RAB4A: variants seen among roughly 807,000 people sequenced by gnomAD.
RAB4A encodes RAB4A, member RAS oncogene family.
A neutral mutation model predicts 34.5 loss-of-function variants in RAB4A; 20 were observed. The ratio of observed to expected loss-of-function variants is 0.58; its 90% CI spans 0.41 to 0.84. The LOEUF is 0.84. Among genes scored for constraint, RAB4A ranks in the 40% least tolerant of loss-of-function variants. The pLI is 0.00. For synonymous variants in RAB4A, 102 were observed against 100.0 expected (o/e 1.02, Z -0.12); for missense variants, 228 against 274.5 (o/e 0.83, Z 1.20).
chr1:229,300,778 T>C (rs1230579228), intron 6 of RAB4A, among the ~76,000 whole-genome samples: 2 of 151,910 alleles, frequency 1.3e-5, no homozygotes, highest in African/African-American at 4.8e-5. Context: ...ACCATCAATA[T>C]ATAGGAACAG....
rs1657414753 is a variant in RAB4A at position 229,302,284 on chromosome 1, TATATATATATATATATA to T, written c.542-577_542-561del. Among the ~76,000 whole-genome samples the T allele has an allele frequency of 8.6e-4, 18 of 20,910 alleles. 1 individual carries two copies. Among genetic ancestry groups the T allele is most frequent in the African/African-American group, 4.0e-3 (18 of 4,468 alleles). 13.7% of individuals were successfully genotyped at this position (20,910 alleles called of 152,430 possible). ...ATATATATATATATATATATATATA[TATATATATATATATATA>T]TATATATATTTTTTTTTTTTTTTTA... is the stretch of plus-strand genomic sequence containing the variant. On this transcript the variant is annotated intron_variant, in intron 6 of 7. Transcript: ENST00000366690.
chr1:229,284,937 G>T (rs924061155), intron 1 of RAB4A, among the ~76,000 whole-genome samples: 3 of 152,016 alleles, frequency 2.0e-5, no homozygotes, highest in Non-Finnish European at 2.9e-5. Flanking sequence ...CTGCCTACTG[G>T]TAATCTCCAG....
chr1:229,281,326 G>A (rs183391397), intron 1 of RAB4A, among the ~76,000 whole-genome samples: 189 of 152,146 alleles, frequency 1.2e-3, no homozygotes, highest in Non-Finnish European at 2.0e-3. Context: ...GCATATACAC[G>A]TTCAAGATAC....
intron 3 of RAB4A, among the ~76,000 whole-genome samples, chr1:229,293,909 C>T (rs912922642): frequency 2.0e-5 from 3 of 152,066 alleles, no homozygotes; most frequent in African/African-American, 2.4e-5. Flanking sequence ...GGTACAGTGA[C>T]GGAGATGTCC....
At chr1:229,280,128 C>A (rs988417610) in intron 1 of RAB4A, among the ~76,000 whole-genome samples, 12 of 152,090 alleles carry the variant, frequency 7.9e-5, no homozygotes, top group Non-Finnish European at 1.5e-4. Context: ...AAAGAAAAAA[C>A]CACAGATTAA....
intron 6 of RAB4A, among the ~76,000 whole-genome samples, chr1:229,302,321 T>C (rs2102681122): frequency 9.9e-6 from 1 of 100,730 alleles, no homozygotes; most frequent in African/African-American, 4.0e-5. Context: ...TTTTTTTTTT[T>C]TTTTACATGT....
In RAB4A at chr1:229,296,666, GC is replaced by G. The variant is rs367800394; in HGVS notation, c.290+759del. Among the ~76,000 whole-genome samples the G allele has an allele frequency of 1.0e-3, 157 of 152,260 alleles. 1 individual carries two copies. The highest frequency in any genetic ancestry group is 3.6e-3 in the African/African-American group (149 of 41,542). ...GTCATCTAAATGGCATCATCTGGGGGCCCTTTCTGGGTAGGAACCTGTCCAG... is the reference window on the plus strand; with the variant it reads ...GTCATCTAAATGGCATCATCTGGGGGCCTTTCTGGGTAGGAACCTGTCCAG... On this transcript the variant is annotated intron_variant, in intron 4 of 7. Coordinates refer to ENST00000366690, the MANE Select transcript of RAB4A (RefSeq NM_004578.4).
intron 5 of RAB4A, among the ~76,000 whole-genome samples, chr1:229,298,150 G>C (rs1304370131): frequency 2.6e-5 from 4 of 152,050 alleles, no homozygotes; most frequent in Non-Finnish European, 4.4e-5. Flanking sequence ...CTTAATTAAT[G>C]GATAAGAGAA....
intron 3 of RAB4A, chr1:229,289,179 T>G (rs2102845679): frequency 5.2e-6 from 1 of 192,674 alleles, no homozygotes; most frequent in East Asian, 1.6e-4. Flanking sequence ...TGTTCCTTTT[T>G]TAAAGAAGAA....
At chr1:229,295,024 A>C (rs1571833356) in intron 3 of RAB4A, among the ~76,000 whole-genome samples, 1 of 148,622 alleles carries the variant, frequency 6.7e-6, no homozygotes, top group Non-Finnish European at 1.5e-5. Context: ...GTGCAGTGGC[A>C]TGATCGCTCA....
At chr1:229,297,742 T>G (rs1657285611) in intron 5 of RAB4A, 106 bp downstream of exon 5, 8 of 1,237,210 alleles carry the variant, frequency 6.5e-6, no homozygotes, top group Admixed American at 2.8e-5. Context: ...TAAACTAGAT[T>G]TAGGAAATGT....
rs1656988908 is a variant in RAB4A at position 229,288,822 on chromosome 1, C to T, written c.206C>T (p.Thr69Ile). The stretch of plus-strand genomic sequence containing the variant: ...TATGTAAAGTTACAAATATGGGATA[C>T]AGCAGGACAAGAACGATTCAGGTAG... ...GKYVKLQIWD[T>I]AGQERFRSVT... The change falls in exon 3 of 8, where the codon ACA (threonine) becomes ATA (isoleucine). Residue 69 changes from threonine (T) to isoleucine (I), a missense_variant. Thr to Ile is a moderately conservative substitution (Grantham distance 89). Transcript: ENST00000366690. 1.3e-6 allele frequency: 2 copies of T among 1,568,786 alleles called. No homozygotes were observed. The highest frequency in any genetic ancestry group is 2.7e-5 in the African/African-American group (2 of 73,646).
intron 3 of RAB4A, chr1:229,289,186 A>C (rs1656999141): frequency 1.1e-5 from 2 of 189,352 alleles, no homozygotes; most frequent in South Asian, 1.2e-4. Flanking sequence ...TTTTTAAAGA[A>C]GAACTTTTTA....
chr1:229,298,477 C>T (rs541556212), intron 5 of RAB4A, among the ~76,000 whole-genome samples: 1 of 152,344 alleles, frequency 6.6e-6, no homozygotes, highest in Non-Finnish European at 1.5e-5. Flanking sequence ...ACAGGCCTTT[C>T]TGCTGAGATG....
At chr1:229,292,779 G>T (rs1657128181) in intron 3 of RAB4A, among the ~76,000 whole-genome samples, 1 of 152,096 alleles carries the variant, frequency 6.6e-6, no homozygotes, top group Non-Finnish European at 1.5e-5. Context: ...CATTCCTCTG[G>T]TGTCTTTTTT....
intron 4 of RAB4A, among the ~76,000 whole-genome samples, chr1:229,297,023 G>GA (rs1315613815): frequency 2.6e-5 from 4 of 152,206 alleles, no homozygotes; most frequent in African/African-American, 9.7e-5. Flanking sequence ...ATTTCTCAGA[G>GA]AAAAGGGGAA....
Position 229,296,837 on chromosome 1 carries a change from G to GTC in RAB4A, c.291-644_291-643dup, listed in dbSNP as rs1292313417. ...AAGGCTCAGCCTGCTAAAGTGTGAA[G>GTC]TCATCAATCAGGCTAGCAAAGTGCC... On this transcript the variant is annotated intron_variant, in intron 4 of 7. Coordinates refer to ENST00000366690, the MANE Select transcript of RAB4A (RefSeq NM_004578.4). Among the ~76,000 whole-genome samples, 17 of 152,336 alleles carry GTC rather than the reference G, an allele frequency of 1.1e-4. No homozygotes were observed. In the South Asian group the frequency reaches 3.5e-3, roughly 32 times the overall value.
chr1:229,278,635 C>G (rs958427106), intron 1 of RAB4A, among the ~76,000 whole-genome samples: 4 of 152,320 alleles, frequency 2.6e-5, no homozygotes, highest in Admixed American at 2.6e-4. Flanking sequence ...CTTCAAGTCC[C>G]CACTTCACCC....
intron 1 of RAB4A, among the ~76,000 whole-genome samples, chr1:229,275,714 G>C (rs967611664): frequency 6.7e-6 from 1 of 148,824 alleles, no homozygotes; most frequent in Non-Finnish European, 1.5e-5. Flanking sequence ...TCCACCTCCC[G>C]GGTTCAAGCG....
Sources: gnomAD v4.1 joint callset for allele counts (sites outside exome capture counted in the v4.1 genomes callset) on GRCh38, gnomAD v4.1.1 for gene constraint, MANE v1.5 for transcripts, NCBI Gene and HGNC (gene_info 2026-07-23, HGNC 2026-07-21) for gene names.